The following CNTNAP2 variants were observed in gnomAD, a reference collection of about 807,000 sequenced individuals.
The protein encoded by CNTNAP2 is contactin-associated protein-like 2.
Under a neutral mutation model 155.2 loss-of-function variants are expected in CNTNAP2, and 98 were observed. The observed-to-expected ratio is 0.63, with a 90% CI of 0.54 to 0.75. The LOEUF (loss-of-function observed/expected upper bound fraction) is 0.75, where lower values mean the gene tolerates loss of function less well. CNTNAP2 is among the 30% of genes least tolerant of loss of function. The pLI is 0.00. For missense variants in CNTNAP2, 1,727 were observed against 1,688.1 expected (o/e 1.02, Z -0.40); for synonymous variants, 651 against 631.2 (o/e 1.03, Z -0.47).
chr7:146,676,402 T>A lies in CNTNAP2; in HGVS notation c.98-97869T>A, dbSNP rs894061990. ...AACCTGGGAGCATTGATTCAAGTTT[T>A]CCTAAATGTACACTCCAATTTGTGG... On this transcript the variant is annotated intron_variant, in intron 1 of 23. Transcript: ENST00000361727. Among the ~76,000 whole-genome samples the A allele has an allele frequency of 9.2e-5, 14 of 151,964 alleles. 1 individual carries two copies. The highest frequency in any genetic ancestry group is 1.9e-4 in the Non-Finnish European group (13 of 68,002).
chr7:148,320,561 T>G (rs1484659188), intron 21 of CNTNAP2, among the ~76,000 whole-genome samples: 5 of 151,812 alleles, frequency 3.3e-5, no homozygotes, highest in African/African-American at 1.2e-4. Context: ...TTTTTGTATT[T>G]TTAGTAGAGA....
chr7:146,659,373 G>A (rs1473145868), intron 1 of CNTNAP2, among the ~76,000 whole-genome samples: 1 of 152,156 alleles, frequency 6.6e-6, no homozygotes, highest in Non-Finnish European at 1.5e-5. Context: ...GCTCCAGAGA[G>A]CAATAGATGA....
intron 18 of CNTNAP2, among the ~76,000 whole-genome samples, chr7:148,180,211 A>C (rs1040522232): frequency 3.9e-5 from 6 of 152,202 alleles, no homozygotes; most frequent in African/African-American, 1.4e-4. Context: ...ATCAGTAGGG[A>C]GAGAAACTTT....
At chr7:147,476,989 C>G (rs535874925) in intron 10 of CNTNAP2, among the ~76,000 whole-genome samples, 2 of 149,138 alleles carry the variant, frequency 1.3e-5, no homozygotes, top group East Asian at 2.0e-4. Flanking sequence ...TATCTATGGA[C>G]GTGAAGCAGA....
At chr7:146,662,944 C>A (rs997716443) in intron 1 of CNTNAP2, among the ~76,000 whole-genome samples, 1 of 152,020 alleles carries the variant, frequency 6.6e-6, no homozygotes, top group Non-Finnish European at 1.5e-5. Flanking sequence ...TGTCCTTTTG[C>A]AAACACCAAA....
At chr7:147,791,712 A>G (rs1390437665) in intron 13 of CNTNAP2, among the ~76,000 whole-genome samples, 1 of 148,936 alleles carries the variant, frequency 6.7e-6, no homozygotes, top group Non-Finnish European at 1.5e-5. Context: ...TAGCAGGAAA[A>G]CTCCCTGTGA....
intron 9 of CNTNAP2, among the ~76,000 whole-genome samples, chr7:147,392,829 A>G (rs1342805163): frequency 6.6e-6 from 1 of 152,106 alleles, no homozygotes; most frequent in African/African-American, 2.4e-5. Flanking sequence ...ACTATGGTAT[A>G]TATACAATGG....
intron 11 of CNTNAP2, among the ~76,000 whole-genome samples, chr7:147,518,219 A>C (rs1389679004): frequency 2.0e-5 from 3 of 152,244 alleles, no homozygotes; most frequent in South Asian, 2.1e-4. Context: ...TACACTGAAC[A>C]TAGAAACAAC....
At chr7:148,049,092 G>C (rs1196158935) in intron 15 of CNTNAP2, among the ~76,000 whole-genome samples, 1 of 152,208 alleles carries the variant, frequency 6.6e-6, no homozygotes, top group Admixed American at 6.5e-5. Flanking sequence ...GTAGGTGCCT[G>C]TAATCCCAGC....
At chr7:146,565,119 A>G (rs1425310678) in intron 1 of CNTNAP2, among the ~76,000 whole-genome samples, 1 of 151,978 alleles carries the variant, frequency 6.6e-6, no homozygotes, top group Non-Finnish European at 1.5e-5. Flanking sequence ...CTAGAGTTAG[A>G]CATTTGTAAA....
chr7:147,242,987 ATTTTTTTTTT>A (rs766917054), intron 8 of CNTNAP2, among the ~76,000 whole-genome samples: 1,229 of 47,192 alleles, frequency 0.026, 42 homozygotes, highest in African/African-American at 0.098. Flanking sequence ...TATGCTTTGC[ATTTTTTTTTT>A]TTTTTTTTTT....
chr7:148,217,614 A>G (rs888079091), intron 19 of CNTNAP2, 90 bp downstream of exon 19: 2 of 1,384,958 alleles, frequency 1.4e-6, no homozygotes, highest in African/African-American at 1.4e-5. Flanking sequence ...TTGGTTTGTT[A>G]TTTATTCCCC....
chr7:147,635,931 A>G (rs1378554279), intron 12 of CNTNAP2, among the ~76,000 whole-genome samples: 1 of 152,226 alleles, frequency 6.6e-6, no homozygotes, highest in Non-Finnish European at 1.5e-5. Flanking sequence ...GCAGTGTCAG[A>G]CACTAGAAAG....
rs1024597323 is a variant in CNTNAP2, at chr7:146,205,632, A to G, written c.97+88659A>G. 2.6e-5 allele frequency among the ~76,000 whole-genome samples: 4 copies of G among 151,920 alleles called. No individual in the cohort carries two copies. The South Asian group carries it at 8.3e-4, about 31-fold the overall frequency. On this transcript the variant is annotated intron_variant, in intron 1 of 23. Coordinates refer to ENST00000361727, the MANE Select transcript of CNTNAP2 (RefSeq NM_014141.6). ...AGTACTGATTTCTAGGGAAAAATAA[A>G]TAATTCCCCACACTCAGACCAGATA...
At chr7:147,137,873 G>GTAGATAGA (rs57215903) in intron 8 of CNTNAP2, among the ~76,000 whole-genome samples, 6,096 of 140,090 alleles carry the variant, frequency 0.044, 146 homozygotes, top group East Asian at 0.073. Flanking sequence ...AGATAGATAC[G>GTAGATAGA]TAGATAGATA....
chr7:147,054,256 T>C (rs1799521233), intron 4 of CNTNAP2, among the ~76,000 whole-genome samples: 1 of 152,192 alleles, frequency 6.6e-6, no homozygotes, highest in Admixed American at 6.6e-5. Context: ...AGTATCTCAC[T>C]AGTACTGTGC....
chr7:148,279,151 G>A (rs1156263617), intron 21 of CNTNAP2, among the ~76,000 whole-genome samples: 1 of 152,220 alleles, frequency 6.6e-6, no homozygotes, highest in Non-Finnish European at 1.5e-5. Flanking sequence ...GAGCACATAA[G>A]TAACACAATC....
chr7:146,771,234 C>T (rs536071008), intron 1 of CNTNAP2, among the ~76,000 whole-genome samples: 11 of 152,216 alleles, frequency 7.2e-5, no homozygotes, highest in East Asian at 5.8e-4. Context: ...AAAACATAAG[C>T]TCTACAAGGG....
intron 1 of CNTNAP2, among the ~76,000 whole-genome samples, chr7:146,503,553 T>TAGGTCTTAAATGTA (rs1797337694): frequency 6.6e-6 from 1 of 152,356 alleles, no homozygotes; most frequent in Non-Finnish European, 1.5e-5. Flanking sequence ...TTCAGAGTTT[T>TAGGTCTTAAATGTA]AGGTCTTACA....
Sources: gnomAD v4.1 joint callset for allele counts (sites outside exome capture counted in the v4.1 genomes callset) on GRCh38, gnomAD v4.1.1 for gene constraint, MANE v1.5 for transcripts, NCBI Gene and HGNC (gene_info 2026-07-23, HGNC 2026-07-21) for gene names.